The following CAPN8 variants were observed in gnomAD, a reference collection of about 807,000 sequenced individuals.
The protein encoded by CAPN8 is calpain-8.
CAPN8 carries 87 observed loss-of-function variants against 80.9 expected under a neutral mutation model. That is an observed-to-expected ratio of 1.07 (90% confidence interval 0.90 to 1.28). The LOEUF (loss-of-function observed/expected upper bound fraction) is 1.28, where lower values mean the gene tolerates loss of function less well. Ranked by LOEUF, CAPN8 falls within the 50% of genes most tolerant of loss-of-function variation. The probability of loss-of-function intolerance (pLI) is 0.00; values close to 1 mark genes in which losing one functional copy is unlikely to be tolerated. For missense variants in CAPN8, 757 were observed against 702.0 expected, an observed-to-expected ratio of 1.08 and a Z score of -0.89; for synonymous variants, 299 against 273.8, an observed-to-expected ratio of 1.09 and a Z score of -0.91.
intron 3 of CAPN8, 67 bp from the exon 4 acceptor site, chr1:223,628,209 G>A: frequency 6.8e-7 from 1 of 1,470,580 alleles, no homozygotes. Flanking sequence ...TCCCTCCAGG[G>A]GACCTCACGT....
chr1:223,657,808 G>A (rs528991991), intron 1 of CAPN8, among the ~76,000 whole-genome samples: 3 of 152,052 alleles, frequency 2.0e-5, no homozygotes, highest in Non-Finnish European at 4.4e-5. Flanking sequence ...TTCTTCATCC[G>A]CCATTCATCC....
chr1:223,612,178 C>A lies in CAPN8; in HGVS notation c.1323+68G>T, dbSNP rs533326458. 4.1e-6 allele frequency: 5 copies of A among 1,206,960 alleles called. No homozygotes were observed. The East Asian group carries it at 9.5e-5, about 23-fold the overall frequency. 74.8% of individuals were successfully genotyped at this position (1,206,960 alleles called of 1,614,324 possible). A position where few individuals can be genotyped will look rare whatever the true frequency, so the allele number is the denominator to read the frequency against. On this transcript the variant is annotated intron_variant, in intron 11 of 20. Transcript: ENST00000366872. ...TACCACAGGAAACAGACGCTGCTGG[C>A]TGCCCATCCTGAAGGCAGCCAAGCT...
chr1:223,617,283 G>A (rs912798226), intron 9 of CAPN8: 8 of 147,980 alleles, frequency 5.4e-5, no homozygotes, highest in African/African-American at 2.1e-4. Context: ...TTTTTTTTGG[G>A]GGGGGGGGTT....
At chr1:223,553,727 A>C in intron 14 of CAPN8, 105 bp downstream of exon 14, 2 of 398,126 alleles carry the variant, frequency 5.0e-6, no homozygotes, top group Non-Finnish European at 8.9e-6. Context: ...CCTGAGTCTC[A>C]CCCTTTTTAT....
At chr1:223,644,869 T>A (rs1244802064) in intron 2 of CAPN8, among the ~76,000 whole-genome samples, 1 of 152,164 alleles carries the variant, frequency 6.6e-6, no homozygotes, top group African/African-American at 2.4e-5. Context: ...CCAGAGTTAA[T>A]CCTTCCCTAG....
intron 1 of CAPN8, among the ~76,000 whole-genome samples, chr1:223,661,774 C>T (rs932341013): frequency 2.0e-5 from 3 of 152,112 alleles, no homozygotes; most frequent in East Asian, 1.9e-4. Context: ...AAAACTTGAA[C>T]GTAGAACTGC....
Position 223,628,701 on chromosome 1 carries a change from C to A in CAPN8, c.387G>T (p.Gln129His). 1 of 1,551,732 alleles carries A rather than the reference C, an allele frequency of 6.4e-7. No homozygotes were observed. The highest frequency in any genetic ancestry group is 8.7e-7 in the Non-Finnish European group (1 of 1,146,974). ...ELLYRVVPRD[Q>H]DFQENYAGIF... ...TTCCCGCATAGTTCTCCTGGAAGTC[C>A]TGGTCCCTGGGGACCACCCGGTAAA... Residue 129 changes from glutamine (Q) to histidine (H), a missense_variant, in exon 3 of 21, where the codon CAG (glutamine) becomes CAT (histidine). Gln to His is a conservative substitution (Grantham distance 24). Coordinates refer to ENST00000366872, the MANE Select transcript of CAPN8 (RefSeq NM_001143962.2).
Position 223,615,981 on chromosome 1 carries a change from C to T in CAPN8, c.1300G>A (p.Ala434Thr), listed in dbSNP as rs1657166045. Residue 434 changes from alanine (A) to threonine (T), a missense_variant, in exon 10 of 21, where the codon GCC becomes ACC. Transcript: ENST00000366872. ...IGQGMLSIGYAVYQVPKELES... is the reference protein window; with the variant it reads ...IGQGMLSIGYTVYQVPKELES... ...CAGCACAGCAGTACCTGGTAGACGGCATAGCCGATGCTAAGCATGCCTTGT... is the reference window on the plus strand; with the variant it reads ...CAGCACAGCAGTACCTGGTAGACGGTATAGCCGATGCTAAGCATGCCTTGT... 6.4e-7 allele frequency: 1 copy of T among 1,552,262 alleles called. No individual in the cohort carries two copies. Among genetic ancestry groups the T allele is most frequent in the Non-Finnish European group, 8.7e-7 (1 of 1,147,112 alleles).
intron 13 of CAPN8, among the ~76,000 whole-genome samples, chr1:223,556,648 G>C (rs1656911919): frequency 6.6e-6 from 1 of 152,188 alleles, no homozygotes; most frequent in South Asian, 2.1e-4. Flanking sequence ...CAATATCATG[G>C]GACGTGGAGA....
In CAPN8 at chr1:223,549,390, T is replaced by C; in HGVS notation, c.1700-8A>G. The C allele has an allele frequency of 6.4e-7, 1 of 1,551,746 alleles. No homozygotes were observed. The highest frequency in any genetic ancestry group is 1.7e-4 in the Middle Eastern group (1 of 5,994). On this transcript the variant is annotated splice_polypyrimidine_tract_variant and splice_region_variant and intron_variant, in intron 15 of 20. Transcript: ENST00000366872. ...CGAATTTTATGTCTGTTCCTAAAGATTTAAATAGAAAAGGGGAGTGGGAAT... is the reference window on the plus strand; with the variant it reads ...CGAATTTTATGTCTGTTCCTAAAGACTTAAATAGAAAAGGGGAGTGGGAAT...
chr1:223,553,324 G>T (rs921853791), intron 14 of CAPN8, among the ~76,000 whole-genome samples: 8 of 152,306 alleles, frequency 5.3e-5, no homozygotes, highest in African/African-American at 1.9e-4. Flanking sequence ...ATTCATGTCG[G>T]GCAAAGCTTG....
intron 1 of CAPN8, among the ~76,000 whole-genome samples, chr1:223,663,049 C>A (rs936238624): frequency 1.3e-5 from 2 of 152,196 alleles, no homozygotes; most frequent in Admixed American, 6.5e-5. Flanking sequence ...TTACTCAACA[C>A]GCACTTGAAA....
At chr1:223,654,237 C>A (rs140630334) in intron 2 of CAPN8, 93 bp downstream of exon 2, 12 of 1,093,454 alleles carry the variant, frequency 1.1e-5, no homozygotes, top group African/African-American at 7.9e-5. Context: ...CTAATTCACT[C>A]GGTGAAGTCT....
intron 2 of CAPN8, among the ~76,000 whole-genome samples, chr1:223,629,475 A>C (rs1657712535): frequency 6.6e-6 from 1 of 152,210 alleles, no homozygotes; most frequent in African/African-American, 2.4e-5. Context: ...AAGGAAATGC[A>C]GAAGAAAACA....
At chr1:223,655,771 C>T (rs947546819) in intron 1 of CAPN8, among the ~76,000 whole-genome samples, 2 of 152,086 alleles carry the variant, frequency 1.3e-5, no homozygotes, top group African/African-American at 2.4e-5. Flanking sequence ...GAGCAGTCTA[C>T]GTACTGGTTC....
At chr1:223,615,935 G>C in intron 10 of CAPN8, 35 bp downstream of exon 10, 3 of 1,550,684 alleles carry the variant, frequency 1.9e-6, no homozygotes, top group Non-Finnish European at 2.6e-6. Context: ...AAAACATCAA[G>C]TGTATAATGA....
intron 6 of CAPN8, among the ~76,000 whole-genome samples, chr1:223,624,565 T>C (rs1450383522): frequency 6.6e-6 from 1 of 151,818 alleles, no homozygotes; most frequent in Non-Finnish European, 1.5e-5. Context: ...AAATTAATAA[T>C]TAGCCAGGCA....
intron 2 of CAPN8, among the ~76,000 whole-genome samples, chr1:223,645,677 C>T (rs961980981): frequency 6.6e-6 from 1 of 152,154 alleles, no homozygotes; most frequent in Non-Finnish European, 1.5e-5. Flanking sequence ...GATCTCTCTC[C>T]CACTATAGGG....
At chr1:223,542,527 G>C (rs766137392) in intron 20 of CAPN8, among the ~76,000 whole-genome samples, 1 of 152,080 alleles carries the variant, frequency 6.6e-6, no homozygotes, top group African/African-American at 2.4e-5. Context: ...TAGTTCCACC[G>C]CCTCAGAATC....
Sources: gnomAD v4.1 joint callset for allele counts (sites outside exome capture counted in the v4.1 genomes callset) on GRCh38, gnomAD v4.1.1 for gene constraint, MANE v1.5 for transcripts, NCBI Gene and HGNC (gene_info 2026-07-23, HGNC 2026-07-21) for gene names.